The following CUX2 variants were observed in gnomAD, a reference collection of about 807,000 sequenced individuals.
CUX2 encodes the protein cut like homeobox 2.
In CUX2, 40 loss-of-function variants were observed where a neutral mutation model predicts 144.8. That is an observed-to-expected ratio of 0.28 (90% CI 0.21 to 0.36). The LOEUF is 0.36. Ranked by LOEUF, CUX2 falls within the 10% of genes least tolerant of loss-of-function variation. The pLI is 1.00. For missense variants in CUX2, 1,615 were observed against 1,994.0 expected, an observed-to-expected ratio of 0.81 and a Z score of 3.62; for synonymous variants, 827 against 875.6, an observed-to-expected ratio of 0.94 and a Z score of 0.98.
rs562867117 is a variant in CUX2 at position 111,321,377 on chromosome 12, G to T, written c.2766+602G>T. Among the ~76,000 whole-genome samples the T allele has an allele frequency of 2.0e-5, 3 of 152,132 alleles. No individual in the cohort carries two copies. The South Asian group carries it at 6.2e-4, about 32-fold the overall frequency. On this transcript the variant is annotated intron_variant, in intron 17 of 21. Transcript: ENST00000261726. ...ATGGCTACTTAGGAGACTGAGGCAG[G>T]AGCATCACTTGAACCTGGGAGGCAG...
intron 1 of CUX2, among the ~76,000 whole-genome samples, chr12:111,141,080 A>G (rs1160354180): frequency 5.3e-5 from 8 of 152,206 alleles, no homozygotes; most frequent in Non-Finnish European, 1.0e-4. Context: ...CTGCCTTAGA[A>G]GAGCCTCCTC....
chr12:111,227,201 G>C (rs16941332), intron 3 of CUX2, among the ~76,000 whole-genome samples: 23 of 152,192 alleles, frequency 1.5e-4, no homozygotes, highest in African/African-American at 5.6e-4. Flanking sequence ...TTACTCATGC[G>C]TTCAGGAAGG....
chr12:111,191,093 A>C (rs905828863), intron 1 of CUX2, among the ~76,000 whole-genome samples: 9 of 152,304 alleles, frequency 5.9e-5, no homozygotes, highest in Admixed American at 5.2e-4. Context: ...CTGGATCTGC[A>C]GCTACGCCAC....
At position 111,348,205 on chromosome 12, in the gene CUX2, C is replaced by T; in HGVS notation, c.4341C>T (p.Pro1447=). 6.2e-7 allele frequency: 1 copy of T among 1,614,102 alleles called. No homozygotes were observed. Among genetic ancestry groups the T allele is most frequent in the Non-Finnish European group, 8.5e-7 (1 of 1,180,030 alleles). ...PTADMAGALH[P]SAKVNPNLQR... The stretch of plus-strand genomic sequence containing the variant: ...CTGACATGGCTGGAGCCTTGCACCC[C>T]AGTGCCAAGGTGAACCCCAACTTGC... Residue 1447 remains proline, a synonymous_variant, in exon 22 of 22, where the codon CCC becomes CCT. Transcript: ENST00000261726.
chr12:111,118,820 A>G (rs1874454955), intron 1 of CUX2, among the ~76,000 whole-genome samples: 1 of 152,190 alleles, frequency 6.6e-6, no homozygotes, highest in African/African-American at 2.4e-5. Flanking sequence ...AGGACACACC[A>G]CCAGAGATTC....
At chr12:111,193,733 G>A (rs530999600) in intron 1 of CUX2, among the ~76,000 whole-genome samples, 10 of 152,352 alleles carry the variant, frequency 6.6e-5, no homozygotes, top group Non-Finnish European at 1.3e-4. Flanking sequence ...ACTGGCTGGA[G>A]TGGGCAGCAC....
chr12:111,293,513 C>G lies in CUX2; in HGVS notation c.504C>G (p.Pro168=). ...AGGGAAGCCGCCTCCCAGGCATTCC[C>G]GGGAAAGCCCTCCTGACAGAAACCT... The part of the protein sequence containing the change: ...LTEGSRLPGI[P]GKALLTETLL... Residue 168 remains proline, a synonymous_variant, in exon 6 of 22, where the codon CCC becomes CCG. Coordinates refer to ENST00000261726, the MANE Select transcript of CUX2 (RefSeq NM_015267.4). This position sits in a 1 kb window ranked among gnomAD's most constrained non-coding sequence, Gnocchi z 4.5. 1 of 1,604,262 alleles carries G rather than the reference C, an allele frequency of 6.2e-7. No individual in the cohort carries two copies. The highest frequency in any genetic ancestry group is 8.5e-7 in the Non-Finnish European group (1 of 1,176,916).
In CUX2 at chr12:111,287,078, C is replaced by T. The variant is rs1055406620; in HGVS notation, c.302-4340C>T. Among the ~76,000 whole-genome samples, 1 of 152,184 alleles carries T rather than the reference C, an allele frequency of 6.6e-6. No homozygotes were observed. The highest frequency in any genetic ancestry group is 1.5e-5 in the Non-Finnish European group (1 of 68,042). The stretch of plus-strand genomic sequence containing the variant: ...GACCTGAATCAAAGGTCCAGCCAGC[C>T]CCTGTTCCCACCAGCCTCTCTGGGG... On this transcript the variant is annotated intron_variant, in intron 4 of 21. Coordinates refer to ENST00000261726, the MANE Select transcript of CUX2 (RefSeq NM_015267.4). The surrounding 1 kb of genome is among the most constrained non-coding windows in gnomAD (Gnocchi z 4.2).
intron 1 of CUX2, among the ~76,000 whole-genome samples, chr12:111,103,971 CT>C: frequency 6.6e-6 from 1 of 152,334 alleles, no homozygotes; most frequent in Middle Eastern, 3.4e-3. Flanking sequence ...GGGATTCCCC[CT>C]GATTGGACCA....
intron 1 of CUX2, among the ~76,000 whole-genome samples, chr12:111,074,133 G>C (rs747523811): frequency 1.3e-5 from 2 of 151,878 alleles, no homozygotes; most frequent in Non-Finnish European, 2.9e-5. Context: ...ATTTTATCCA[G>C]CAATCGGCTT....
chr12:111,253,227 C>G (rs575212816), intron 3 of CUX2, among the ~76,000 whole-genome samples: 1 of 152,164 alleles, frequency 6.6e-6, no homozygotes, highest in Non-Finnish European at 1.5e-5. Flanking sequence ...CTCCTCTGCA[C>G]AAAACCCTCC....
chr12:111,318,553 A>T (rs2136393981), intron 16 of CUX2, among the ~76,000 whole-genome samples: 1 of 151,206 alleles, frequency 6.6e-6, no homozygotes, highest in Middle Eastern at 3.4e-3. Flanking sequence ...AGATCGAGCC[A>T]CTGCACTCCA....
chr12:111,122,903 G>A (rs1874779024), intron 1 of CUX2, among the ~76,000 whole-genome samples: 1 of 152,220 alleles, frequency 6.6e-6, no homozygotes, highest in Non-Finnish European at 1.5e-5. Context: ...AAGAAAGGAA[G>A]TTGCAACAGA....
chr12:111,234,711 CCTTT>C (rs1193852043), intron 3 of CUX2, among the ~76,000 whole-genome samples: 2 of 150,848 alleles, frequency 1.3e-5, no homozygotes, highest in Non-Finnish European at 2.9e-5. Flanking sequence ...AGCCACTTCC[CCTTT>C]CTTTTTTTTT....
intron 3 of CUX2, among the ~76,000 whole-genome samples, chr12:111,228,261 A>G (rs1565861269): frequency 6.6e-6 from 1 of 152,160 alleles, no homozygotes; most frequent in Admixed American, 6.5e-5. Context: ...GCCTGGGTTC[A>G]ACTCCCCATT....
chr12:111,137,282 G>T (rs1293514967), intron 1 of CUX2, among the ~76,000 whole-genome samples: 1 of 152,166 alleles, frequency 6.6e-6, no homozygotes, highest in African/African-American at 2.4e-5. Flanking sequence ...AAAGTCCACT[G>T]TAAAGGGACA....
chr12:111,134,620 C>CTCTG lies in CUX2; in HGVS notation c.64-79579_64-79578insCTGT, dbSNP rs1026548098. On this transcript the variant is annotated intron_variant, in intron 1 of 21. Coordinates refer to ENST00000261726, the MANE Select transcript of CUX2 (RefSeq NM_015267.4). Reference sequence around the variant, plus strand: ...TCTCTCTCTCTCTCTCTCTCTCTCTCTGTGTGTGTGTGTGTGTGTGTGTGT... The same window carrying CTCTG: ...TCTCTCTCTCTCTCTCTCTCTCTCTCTCTGTGTGTGTGTGTGTGTGTGTGTGTGT... 1.8e-3 allele frequency among the ~76,000 whole-genome samples: 255 copies of CTCTG among 142,204 alleles called. 1 individual carries two copies. Among genetic ancestry groups the CTCTG allele is most frequent in the South Asian group, 0.012 (52 of 4,426 alleles). The allele number at this position is 142,204 out of a possible 152,430, so 93.3% of individuals were successfully genotyped here. A position where few individuals can be genotyped will look rare whatever the true frequency, so the allele number is the denominator to read the frequency against.
rs889691385 is a variant in CUX2 at position 111,287,738 on chromosome 12, G to A, written c.302-3680G>A. Among the ~76,000 whole-genome samples, 4 of 152,254 alleles carry A rather than the reference G, an allele frequency of 2.6e-5. No individual in the cohort carries two copies. The highest frequency in any genetic ancestry group is 7.2e-5 in the African/African-American group (3 of 41,466). On this transcript the variant is annotated intron_variant, in intron 4 of 21. Coordinates refer to ENST00000261726, the MANE Select transcript of CUX2 (RefSeq NM_015267.4). The surrounding 1 kb of genome is among the most constrained non-coding windows in gnomAD (Gnocchi z 4.2). ...GCCTTCCCGCGCACCTGCTTACCTC[G>A]GCATGGACGCCCATTGTCCAAGCCC...
In CUX2 at chr12:111,160,219, A is replaced by T. The variant is rs1411220299; in HGVS notation, c.64-53981A>T. ...TTGCTAAGCATGTCAACAAGTTGTGATAGAAGAATTACAAATTGTGATTCT... is the reference window on the plus strand; with the variant it reads ...TTGCTAAGCATGTCAACAAGTTGTGTTAGAAGAATTACAAATTGTGATTCT... On this transcript the variant is annotated intron_variant, in intron 1 of 21. Transcript: ENST00000261726. The surrounding 1 kb of genome is among the most constrained non-coding windows in gnomAD (Gnocchi z 4.1). 6.6e-6 allele frequency among the ~76,000 whole-genome samples: 1 copy of T among 152,168 alleles called. No homozygotes were observed. Among genetic ancestry groups the T allele is most frequent in the Non-Finnish European group, 1.5e-5 (1 of 68,024 alleles).
Sources: gnomAD v4.1 joint callset for allele counts (sites outside exome capture counted in the v4.1 genomes callset) on GRCh38, gnomAD v4.1.1 for gene constraint, Gnocchi (gnomAD v3.1) non-coding constraint, MANE v1.5 for transcripts, NCBI Gene and HGNC (gene_info 2026-07-23, HGNC 2026-07-21) for gene names.